Variants in CDKN2B-AS1 observed in about 807,000 individuals in gnomAD.
The protein encoded by CDKN2B-AS1 is CDKN2B antisense RNA 1 (non-protein coding).
chr9:22,012,624 A>C (rs1004261556), intron 1 of CDKN2B-AS1: 1 of 388,988 alleles, frequency 2.6e-6, no homozygotes, highest in Admixed American at 3.7e-5. Flanking sequence ...TTGACTGGAA[A>C]AAAAAAAAGT....
chr9:22,098,913 T>C (rs1825383331), intron 4 of CDKN2B-AS1, among the ~76,000 whole-genome samples: 1 of 152,180 alleles, frequency 6.6e-6, no homozygotes, highest in Non-Finnish European at 1.5e-5. Flanking sequence ...GCTTACCGTG[T>C]TCAGGGCACT....
chr9:22,075,907 A>G (rs964857212), intron 4 of CDKN2B-AS1, among the ~76,000 whole-genome samples: 3 of 152,202 alleles, frequency 2.0e-5, no homozygotes, highest in Non-Finnish European at 2.9e-5. Flanking sequence ...GCTCTGCTCA[A>G]ATCTTTGTAT....
At chr9:22,012,114 C>T (rs1821534344) in intron 1 of CDKN2B-AS1, 3 of 858,460 alleles carry the variant, frequency 3.5e-6, no homozygotes, top group African/African-American at 3.3e-5. Flanking sequence ...ATCTGCCATC[C>T]TCTTTTTCTT....
intron 3 of CDKN2B-AS1, among the ~76,000 whole-genome samples, chr9:22,050,553 TG>T (rs1172118310): frequency 6.6e-6 from 1 of 152,218 alleles, no homozygotes; most frequent in Non-Finnish European, 1.5e-5. Flanking sequence ...GTCACTGTCC[TG>T]TCTAGCCACT....
At chr9:22,126,505 G>A (rs1818024712) in intron 4 of CDKN2B-AS1, among the ~76,000 whole-genome samples, 1 of 151,168 alleles carries the variant, frequency 6.6e-6, no homozygotes. Context: ...CTTATCTTTC[G>A]AAAGAGGTGA....
At chr9:22,021,517 G>C (rs1466869857) in intron 1 of CDKN2B-AS1, among the ~76,000 whole-genome samples, 1 of 152,176 alleles carries the variant, frequency 6.6e-6, no homozygotes, top group Admixed American at 6.5e-5. Flanking sequence ...GCTTTGGCCA[G>C]TATGGCCATT....
In CDKN2B-AS1 at chr9:21,997,580, G is replaced by A. The variant is rs1283323825; in HGVS notation, n.29+2419G>A. 6.6e-6 allele frequency among the ~76,000 whole-genome samples: 1 copy of A among 152,054 alleles called. No homozygotes were observed. Among genetic ancestry groups the A allele is most frequent in the Admixed American group, 6.6e-5 (1 of 15,252 alleles). Reference sequence around the variant, plus strand: ...GGGGGTTGACAAATTGGAGACCCAGGGAAGAGTTGTTGTTGCAAGACTTGA... The same window carrying A: ...GGGGGTTGACAAATTGGAGACCCAGAGAAGAGTTGTTGTTGCAAGACTTGA... On this transcript the variant is annotated intron_variant and non_coding_transcript_variant, in intron 1 of 4. Coordinates refer to ENST00000650946, the Ensembl canonical transcript of CDKN2B-AS1. The surrounding 1 kb of genome is among the most constrained non-coding windows in gnomAD (Gnocchi z 4.8).
Position 22,062,908 on chromosome 9 carries a change from T to C in CDKN2B-AS1, n.438+6521T>C, listed in dbSNP as rs79815711. ...AAAGTTGACTACCTTTGTTTCTGTC[T>C]CAAACAAGTAGGTGGTGATGCCTTT... On this transcript the variant is annotated intron_variant and non_coding_transcript_variant, in intron 4 of 4. Coordinates refer to ENST00000650946, the Ensembl canonical transcript of CDKN2B-AS1. 2.3e-3 allele frequency among the ~76,000 whole-genome samples: 344 copies of C among 151,818 alleles called. 13 individuals carry two copies. The East Asian group carries it at 0.061, about 27-fold the overall frequency.
intron 4 of CDKN2B-AS1, among the ~76,000 whole-genome samples, chr9:22,079,455 T>C (rs1587502982): frequency 6.8e-6 from 1 of 146,816 alleles, no homozygotes; most frequent in Non-Finnish European, 1.5e-5. Context: ...GCCTCTGTAC[T>C]CCAGCTTGGG....
At chr9:22,102,086 G>C (rs549450716) in intron 4 of CDKN2B-AS1, among the ~76,000 whole-genome samples, 1 of 152,212 alleles carries the variant, frequency 6.6e-6, no homozygotes, top group African/African-American at 2.4e-5. Context: ...TAAAATGCAG[G>C]GAATTTAAGA....
intron 4 of CDKN2B-AS1, among the ~76,000 whole-genome samples, chr9:22,076,983 C>G (rs1364814053): frequency 1.3e-5 from 2 of 152,176 alleles, no homozygotes; most frequent in East Asian, 3.9e-4. Flanking sequence ...TCATGCCTGG[C>G]CTACAATGCA....
intron 4 of CDKN2B-AS1, among the ~76,000 whole-genome samples, chr9:22,103,601 T>G (rs1825562924): frequency 1.3e-5 from 2 of 152,018 alleles, no homozygotes; most frequent in African/African-American, 4.8e-5. Flanking sequence ...TTCAAACAAC[T>G]CCTCCTGAGA....
At chr9:22,084,414 T>C (rs1360479879) in intron 4 of CDKN2B-AS1, among the ~76,000 whole-genome samples, 1 of 152,232 alleles carries the variant, frequency 6.6e-6, no homozygotes, top group East Asian at 1.9e-4. Flanking sequence ...GAATTTCTCT[T>C]GAGAAATTGG....
At chr9:22,075,980 G>C (rs1191551821) in intron 4 of CDKN2B-AS1, among the ~76,000 whole-genome samples, 1 of 152,172 alleles carries the variant, frequency 6.6e-6, no homozygotes, top group East Asian at 1.9e-4. Context: ...GGAAGAGTTT[G>C]TGTCTGTCCT....
At chr9:22,009,239 G>T in intron 1 of CDKN2B-AS1, 1 of 559,252 alleles carries the variant, frequency 1.8e-6, no homozygotes. Context: ...CGAGCTCAAA[G>T]CCGCTCTGGC....
intron 1 of CDKN2B-AS1, among the ~76,000 whole-genome samples, chr9:22,041,859 C>A (rs75917766): frequency 6.6e-6 from 1 of 151,926 alleles, no homozygotes; most frequent in Non-Finnish European, 1.5e-5. Context: ...GGCCTTGATT[C>A]CTGTTCTTGT....
At position 22,109,032 on chromosome 9, in the gene CDKN2B-AS1, AT is replaced by A. The variant is rs200340659; in HGVS notation, n.439-18064del. On this transcript the variant is annotated intron_variant and non_coding_transcript_variant, in intron 4 of 4. Transcript: ENST00000650946. The stretch of plus-strand genomic sequence containing the variant: ...TATTTAACCTTGAATTTATGAGATT[AT>A]TTTTTTCCCCAGAAGAAAAATTCTC... Among the ~76,000 whole-genome samples, 623 of 152,218 alleles carry A rather than the reference AT, an allele frequency of 4.1e-3. 8 individuals are homozygous for A. Among genetic ancestry groups the A allele is most frequent in the African/African-American group, 0.014 (589 of 41,524 alleles).
At chr9:22,075,500 C>T (rs1563965537) in intron 4 of CDKN2B-AS1, among the ~76,000 whole-genome samples, 1 of 152,150 alleles carries the variant, frequency 6.6e-6, no homozygotes, top group Non-Finnish European at 1.5e-5. Flanking sequence ...CAGGAATTAT[C>T]CTGTGGAGAA....
intron 1 of CDKN2B-AS1, among the ~76,000 whole-genome samples, chr9:21,998,909 A>G (rs901323547): frequency 6.6e-6 from 1 of 152,224 alleles, no homozygotes. Flanking sequence ...ATTTGATCAT[A>G]TATGTCAAAA....
Sources: gnomAD v4.1 joint callset for allele counts (sites outside exome capture counted in the v4.1 genomes callset) on GRCh38, gnomAD v4.1.1 for gene constraint, Gnocchi (gnomAD v3.1) non-coding constraint, MANE v1.5 for transcripts, NCBI Gene and HGNC (gene_info 2026-07-23, HGNC 2026-07-21) for gene names.